The following VPS13B variants were observed in gnomAD, a reference collection of about 807,000 sequenced individuals.
VPS13B encodes the protein intermembrane lipid transfer protein VPS13B.
A neutral mutation model predicts 426.4 loss-of-function variants in VPS13B; 285 were observed. The observed-to-expected ratio is 0.67, with a 90% confidence interval of 0.61 to 0.74. The LOEUF (loss-of-function observed/expected upper bound fraction) is 0.74. Among genes scored for constraint, VPS13B ranks in the 30% least tolerant of loss-of-function variants. The probability of loss-of-function intolerance (pLI) is 0.00; values close to 1 mark genes in which losing one functional copy is unlikely to be tolerated. For synonymous variants in VPS13B, 1,676 were observed against 1,676.4 expected (o/e 1.00, Z 0.01); for missense variants, 4,537 against 4,782.6 (o/e 0.95, Z 1.51).
chr8:99,447,023 T>C (rs1012408887), intron 23 of VPS13B, among the ~76,000 whole-genome samples: 2 of 152,192 alleles, frequency 1.3e-5, no homozygotes, highest in Non-Finnish European at 2.9e-5. Flanking sequence ...TATCTCTTTC[T>C]GCATGAAACT....
intron 19 of VPS13B, among the ~76,000 whole-genome samples, chr8:99,361,946 A>G (rs533487322): frequency 2.0e-5 from 3 of 152,272 alleles, no homozygotes; most frequent in East Asian, 3.9e-4. Flanking sequence ...TTTACATTTA[A>G]GAAATCTGCA....
chr8:99,465,439 A>G (rs527447981), intron 23 of VPS13B, among the ~76,000 whole-genome samples: 7 of 149,560 alleles, frequency 4.7e-5, no homozygotes, highest in Admixed American at 6.7e-5. Context: ...AGGGTATGAT[A>G]TGCTCAATTT....
Position 99,875,450 on chromosome 8 carries a change from A to G in VPS13B, c.11778A>G (p.Gln3926=), listed in dbSNP as rs1268189420. The change falls in exon 62 of 62, where the codon CAA becomes CAG. Residue 3926 remains glutamine, a synonymous_variant. Coordinates refer to ENST00000357162, the MANE Select transcript of VPS13B (RefSeq NM_152564.5). The part of the protein sequence containing the change: ...VDGVRERLSE[Q]QYNRLVDYIT... ...GAGTCCGAGAGAGACTGTCAGAGCA[A>G]CAGTACAACAGACTGGTGGACTACA... is the stretch of plus-strand genomic sequence containing the variant. 4 of 1,614,092 alleles carry G rather than the reference A, an allele frequency of 2.5e-6. No individual in the cohort carries two copies. The highest frequency in any genetic ancestry group is 2.7e-5 in the African/African-American group (2 of 74,944).
chr8:99,351,464 A>T (rs914601540), intron 19 of VPS13B, among the ~76,000 whole-genome samples: 1 of 126,898 alleles, frequency 7.9e-6, no homozygotes, highest in Non-Finnish European at 1.7e-5. Context: ...GTGTGTGTGT[A>T]TGTATGTGTG....
At chr8:99,602,267 T>A (rs981144553) in intron 33 of VPS13B, among the ~76,000 whole-genome samples, 5 of 152,204 alleles carry the variant, frequency 3.3e-5, no homozygotes, top group African/African-American at 9.6e-5. Flanking sequence ...CCTTTCTCCA[T>A]TGCTTGTTTT....
In VPS13B at chr8:99,720,519, C is replaced by T. The variant is rs781460252; in HGVS notation, c.6832C>T (p.Arg2278Trp). ...AAGTGAACAAAGTTCAGATGACCTA[C>T]GGACAGGTCTATTTCAGTATGTACA... Reference protein sequence around the residue: ...FKSEQSSDDLRTGLFQYVQDA... With the variant: ...FKSEQSSDDLWTGLFQYVQDA... The change falls in exon 38 of 62, where the codon CGG becomes TGG. Residue 2278 changes from arginine to tryptophan, a missense_variant. Arg to Trp is a moderately radical substitution (Grantham distance 101). Coordinates refer to ENST00000357162, the MANE Select transcript of VPS13B (RefSeq NM_152564.5). 3.3e-5 allele frequency: 53 copies of T among 1,613,828 alleles called. No individual in the cohort carries two copies. The highest frequency in any genetic ancestry group is 4.5e-5 in the East Asian group (2 of 44,868).
chr8:99,368,184 T>G (rs749801387), intron 19 of VPS13B, among the ~76,000 whole-genome samples: 1 of 152,232 alleles, frequency 6.6e-6, no homozygotes, highest in Non-Finnish European at 1.5e-5. Context: ...GAAAGAGACA[T>G]ATGATAGCCT....
At chr8:99,058,430 A>G (rs564127484) in intron 3 of VPS13B, among the ~76,000 whole-genome samples, 88 of 151,830 alleles carry the variant, frequency 5.8e-4, no homozygotes, top group Admixed American at 2.2e-3. Context: ...TAAGTCATAA[A>G]ATATATAAAC....
intron 36 of VPS13B, among the ~76,000 whole-genome samples, chr8:99,708,827 CTG>C (rs909944720): frequency 7.2e-6 from 1 of 139,164 alleles, no homozygotes; most frequent in Non-Finnish European, 1.5e-5. Context: ...CTCTCTCTCT[CTG>C]TCTCTCTCTC....
chr8:99,188,053 ATTTTT>A (rs60360700), intron 16 of VPS13B, among the ~76,000 whole-genome samples: 3 of 112,780 alleles, frequency 2.7e-5, no homozygotes, highest in African/African-American at 6.7e-5. Context: ...TTGTTTGGAC[ATTTTT>A]TTTTTTTTTT....
intron 22 of VPS13B, among the ~76,000 whole-genome samples, chr8:99,440,927 A>G (rs745982952): frequency 4.6e-4 from 70 of 152,090 alleles, no homozygotes; most frequent in Admixed American, 2.8e-3. Flanking sequence ...AATAAAGGCT[A>G]TGCTCTTAAT....
intron 17 of VPS13B, among the ~76,000 whole-genome samples, chr8:99,200,118 A>T (rs1429384004): frequency 6.6e-6 from 1 of 152,190 alleles, no homozygotes; most frequent in Admixed American, 6.5e-5. Flanking sequence ...CCTATTGTGG[A>T]TGCTTCATAT....
chr8:99,427,762 T>C (rs1290306049), intron 21 of VPS13B, among the ~76,000 whole-genome samples: 1 of 151,780 alleles, frequency 6.6e-6, no homozygotes, highest in African/African-American at 2.4e-5. Flanking sequence ...CCAATGACTT[T>C]CTTCACAGAA....
At chr8:99,232,390 A>C (rs1345046794) in intron 17 of VPS13B, among the ~76,000 whole-genome samples, 1 of 152,118 alleles carries the variant, frequency 6.6e-6, no homozygotes, top group African/African-American at 2.4e-5. Context: ...AATTGCTGTG[A>C]GTGTCCTTCC....
In VPS13B at chr8:99,492,127, T is replaced by C. The variant is rs572585326; in HGVS notation, c.3871-9560T>C. Among the ~76,000 whole-genome samples the C allele has an allele frequency of 2.0e-5, 3 of 152,304 alleles. No homozygotes were observed. In the East Asian group the frequency reaches 5.8e-4, roughly 29 times the overall value. Reference sequence around the variant, plus strand: ...CCTTCCAGCAGTCAGGCTCCTCAGCTGCAGGTCTGTTGGAATTTACAGGAG... The same window carrying C: ...CCTTCCAGCAGTCAGGCTCCTCAGCCGCAGGTCTGTTGGAATTTACAGGAG... On this transcript the variant is annotated intron_variant, in intron 25 of 61. Coordinates refer to ENST00000357162, the MANE Select transcript of VPS13B (RefSeq NM_152564.5).
Position 99,149,807 on chromosome 8 carries a change from A to G in VPS13B, c.2013+1797A>G, listed in dbSNP as rs1810963952. ...CGCCTCCTGTGAGATCAGCGATGGC[A>G]TTAGATTCTCATAGGAGCACAAACT... On this transcript the variant is annotated intron_variant, in intron 14 of 61. Transcript: ENST00000357162. 2.0e-5 allele frequency among the ~76,000 whole-genome samples: 3 copies of G among 152,112 alleles called. No homozygotes were observed. The South Asian group carries it at 6.2e-4, about 32-fold the overall frequency.
intron 44 of VPS13B, among the ~76,000 whole-genome samples, chr8:99,813,780 A>C (rs1379179919): frequency 6.6e-6 from 1 of 152,240 alleles, no homozygotes; most frequent in Admixed American, 6.5e-5. Flanking sequence ...AAATAATGCA[A>C]ATTAAAACAA....
intron 21 of VPS13B, among the ~76,000 whole-genome samples, chr8:99,425,039 C>T (rs573369724): frequency 6.6e-6 from 1 of 152,146 alleles, no homozygotes; most frequent in Non-Finnish European, 1.5e-5. Context: ...TCTGAATAGA[C>T]CAATAACAGG....
At chr8:99,425,771 T>G (rs548626055) in intron 21 of VPS13B, among the ~76,000 whole-genome samples, 4 of 152,306 alleles carry the variant, frequency 2.6e-5, no homozygotes, top group African/African-American at 9.6e-5. Flanking sequence ...TGTCCCTGTT[T>G]GCAGATGACA....
Sources: gnomAD v4.1 joint callset for allele counts (sites outside exome capture counted in the v4.1 genomes callset) on GRCh38, gnomAD v4.1.1 for gene constraint, MANE v1.5 for transcripts, NCBI Gene and HGNC (gene_info 2026-07-23, HGNC 2026-07-21) for gene names.